TEK: variants seen among roughly 807,000 people sequenced by gnomAD.
The protein encoded by TEK is angiopoietin-1 receptor.
A neutral mutation model predicts 131.8 loss-of-function variants in TEK; 43 were observed. That is an observed-to-expected ratio of 0.33 (90% CI 0.26 to 0.42). The LOEUF is 0.42. TEK is among the 10% of genes least tolerant of loss of function. The pLI is 1.00. For missense variants in TEK, 1,162 were observed against 1,384.4 expected, an observed-to-expected ratio of 0.84 and a Z score of 2.55; for synonymous variants, 580 against 491.6, an observed-to-expected ratio of 1.18 and a Z score of -2.38.
At chr9:27,147,032 A>G (rs1362338213) in intron 1 of TEK, among the ~76,000 whole-genome samples, 1 of 152,142 alleles carries the variant, frequency 6.6e-6, no homozygotes, top group Admixed American at 6.5e-5. Flanking sequence ...CCCGGCCAAC[A>G]TTCATTGTAT....
chr9:27,165,511 G>C (rs1290468031), intron 2 of TEK, among the ~76,000 whole-genome samples: 1 of 152,118 alleles, frequency 6.6e-6, no homozygotes. Flanking sequence ...CTGGAGAAAA[G>C]TGTCCCTCAT....
intron 21 of TEK, among the ~76,000 whole-genome samples, chr9:27,220,493 A>G (rs921630118): frequency 6.7e-6 from 1 of 150,310 alleles, no homozygotes; most frequent in Non-Finnish European, 1.5e-5. Context: ...TTAATTAAGA[A>G]GGATACATTT....
intron 1 of TEK, among the ~76,000 whole-genome samples, chr9:27,114,400 G>T (rs1821465450): frequency 6.6e-6 from 1 of 152,034 alleles, no homozygotes; most frequent in African/African-American, 2.4e-5. Flanking sequence ...GTGAAACCTT[G>T]CCTCTACTAA....
At chr9:27,150,780 G>T (rs538898590) in intron 1 of TEK, among the ~76,000 whole-genome samples, 1 of 152,154 alleles carries the variant, frequency 6.6e-6, no homozygotes, top group Non-Finnish European at 1.5e-5. Flanking sequence ...TGCTCTGTCT[G>T]TTCCCTGGAA....
chr9:27,206,214 C>T (rs923944648), intron 14 of TEK, among the ~76,000 whole-genome samples: 1 of 152,194 alleles, frequency 6.6e-6, no homozygotes, highest in African/African-American at 2.4e-5. Context: ...CATAGGCTCT[C>T]CAAGTTAGTT....
rs532032341 is a variant in TEK, at chr9:27,221,302, A to G, written c.3200+1157A>G. ...GCTTATAGATAAAACTCCCATCTCC[A>G]TGGGACAAAGCACCTAGTGGTAAGG... On this transcript the variant is annotated intron_variant, in intron 21 of 22. Coordinates refer to ENST00000380036, the MANE Select transcript of TEK (RefSeq NM_000459.5). 3.9e-5 allele frequency among the ~76,000 whole-genome samples: 6 copies of G among 152,312 alleles called. No individual in the cohort carries two copies. The South Asian group carries it at 1.0e-3, about 26-fold the overall frequency.
intron 2 of TEK, among the ~76,000 whole-genome samples, chr9:27,162,956 C>T (rs1054647311): frequency 1.3e-5 from 2 of 152,164 alleles, no homozygotes; most frequent in African/African-American, 4.8e-5. Context: ...CCTTGTGATC[C>T]ACCCACCTCA....
intron 21 of TEK, among the ~76,000 whole-genome samples, chr9:27,226,024 C>T (rs888775927): frequency 7.2e-5 from 11 of 152,148 alleles, no homozygotes; most frequent in African/African-American, 2.7e-4. Context: ...ATCAAAACCA[C>T]AATGAGATGC....
In TEK at chr9:27,180,384, A is replaced by C. The variant is rs762737786; in HGVS notation, c.1030+16A>C. On this transcript the variant is annotated intron_variant, in intron 7 of 22. Transcript: ENST00000380036. ...GAGAGAGAAGGTAAAGCAAGGTAAC[A>C]CTGTAGTCAGGGCCATGTTCAGCAT... The C allele has an allele frequency of 6.2e-7, 1 of 1,610,116 alleles. No homozygotes were observed. Among genetic ancestry groups the C allele is most frequent in the Non-Finnish European group, 8.5e-7 (1 of 1,178,024 alleles).
chr9:27,129,850 A>G (rs541775570), intron 1 of TEK, among the ~76,000 whole-genome samples: 1 of 152,206 alleles, frequency 6.6e-6, no homozygotes, highest in African/African-American at 2.4e-5. Flanking sequence ...TCAATAAATG[A>G]ATAGATTTCC....
intron 7 of TEK, among the ~76,000 whole-genome samples, chr9:27,180,882 C>A (rs1433575675): frequency 6.6e-6 from 1 of 152,064 alleles, no homozygotes; most frequent in Non-Finnish European, 1.5e-5. Context: ...TTTTAAACAG[C>A]TTTATAGAGA....
intron 20 of TEK, among the ~76,000 whole-genome samples, chr9:27,219,628 G>A (rs1288205168): frequency 1.1e-5 from 1 of 92,258 alleles, no homozygotes; most frequent in Non-Finnish European, 2.4e-5. Context: ...TTAAAAAACT[G>A]TTCTACAATA....
chr9:27,192,457 A>G, intron 10 of TEK, 32 bp from the exon 11 acceptor site: 1 of 1,613,560 alleles, frequency 6.2e-7, no homozygotes, highest in South Asian at 1.1e-5. Flanking sequence ...GAGAATGCCA[A>G]CTTAAGTTTC....
At position 27,229,964 on chromosome 9, in the gene TEK, A is replaced by G. The variant is rs1440591445; in HGVS notation, c.*732A>G. 6.6e-6 allele frequency: 1 copy of G among 152,260 alleles called. No homozygotes were observed. Among genetic ancestry groups the G allele is most frequent in the Non-Finnish European group, 1.5e-5 (1 of 68,082 alleles). 9.4% of individuals were successfully genotyped at this position (152,260 alleles called of 1,614,324 possible). On this transcript the variant is annotated 3_prime_UTR_variant, in exon 23 of 23. Transcript: ENST00000380036. ...GGATTTTCTTTTCTTTTCTCTGGTA[A>G]TATTGACTTGTATATTTTAAGAAAT... is the stretch of plus-strand genomic sequence containing the variant.
chr9:27,172,187 C>G (rs1218771925), intron 4 of TEK, among the ~76,000 whole-genome samples: 1 of 152,156 alleles, frequency 6.6e-6, no homozygotes, highest in Admixed American at 6.5e-5. Flanking sequence ...GATGGGGATG[C>G]TACTGGTCAG....
At position 27,180,294 on chromosome 9, in the gene TEK, A is replaced by C. The variant is rs756713430; in HGVS notation, c.956A>C (p.Asn319Thr). The change falls in exon 7 of 23, where the codon AAT (asparagine) becomes ACT (threonine). Residue 319 changes from asparagine to threonine, a missense_variant. Coordinates refer to ENST00000380036, the MANE Select transcript of TEK (RefSeq NM_000459.5). ...PDCKLRCSCNNGEMCDRFQGC... is the reference protein window; with the variant it reads ...PDCKLRCSCNTGEMCDRFQGC... ...TGTAAGCTTAGGTGCAGCTGCAACA[A>C]TGGGGAGATGTGTGATCGCTTCCAA... is the stretch of plus-strand genomic sequence containing the variant. 1 of 1,613,920 alleles carries C rather than the reference A, an allele frequency of 6.2e-7. No homozygotes were observed. The highest frequency in any genetic ancestry group is 1.3e-5 in the African/African-American group (1 of 75,010).
intron 21 of TEK, among the ~76,000 whole-genome samples, chr9:27,225,441 C>G (rs1441484129): frequency 6.6e-6 from 1 of 152,172 alleles, no homozygotes; most frequent in East Asian, 1.9e-4. Context: ...CACCACACAT[C>G]TACAACCATC....
At chr9:27,174,887 C>T (rs1029049712) in intron 6 of TEK, among the ~76,000 whole-genome samples, 3 of 151,912 alleles carry the variant, frequency 2.0e-5, no homozygotes, top group South Asian at 2.1e-4. Context: ...ACCCAGGAAG[C>T]GGTGCATGCC....
chr9:27,222,409 T>A (rs1229428804), intron 21 of TEK, among the ~76,000 whole-genome samples: 1 of 151,824 alleles, frequency 6.6e-6, no homozygotes, highest in Non-Finnish European at 1.5e-5. Flanking sequence ...GACACATAAA[T>A]CGTTAGATTC....
Sources: gnomAD v4.1 joint callset for allele counts (sites outside exome capture counted in the v4.1 genomes callset) on GRCh38, gnomAD v4.1.1 for gene constraint, MANE v1.5 for transcripts, NCBI Gene and HGNC (gene_info 2026-07-23, HGNC 2026-07-21) for gene names.